The following UBR4 variants were observed in gnomAD, a reference collection of about 807,000 sequenced individuals.
UBR4 encodes the protein ubiquitin protein ligase E3 component n-recognin 4.
UBR4 carries 124 observed loss-of-function variants against 575.6 expected under a neutral mutation model. The ratio of observed to expected loss-of-function variants is 0.22; its 90% CI spans 0.19 to 0.25. The LOEUF (loss-of-function observed/expected upper bound fraction) is 0.25. Among genes scored for constraint, UBR4 ranks in the 10% least tolerant of loss-of-function variants. The pLI is 1.00. For synonymous variants in UBR4, 2,455 were observed against 2,473.7 expected, an observed-to-expected ratio of 0.99 and a Z score of 0.22; for missense variants, 4,818 against 6,478.8, an observed-to-expected ratio of 0.74 and a Z score of 8.80.
Position 19,160,780 on chromosome 1 carries a change from G to T in UBR4, c.5406+137C>A, listed in dbSNP as rs181144817. The stretch of plus-strand genomic sequence containing the variant: ...CCTTCCCTCGTGACGACAATACATA[G>T]TATTTGCATTCACACTATGAAAATG... On this transcript the variant is annotated intron_variant, in intron 38 of 105. Transcript: ENST00000375254. The T allele has an allele frequency of 8.9e-3, 7,237 of 811,700 alleles. 32 individuals carry two copies. The highest frequency in any genetic ancestry group is 0.012 in the Non-Finnish European group (5,834 of 500,712). The allele number at this position is 811,700 out of a possible 1,614,324, so 50.3% of individuals were successfully genotyped here. A position where few individuals can be genotyped will look rare whatever the true frequency, so the allele number is the denominator to read the frequency against.
At chr1:19,156,677 C>T (rs916747936) in intron 41 of UBR4, 90 bp downstream of exon 41, 129 of 1,503,780 alleles carry the variant, frequency 8.6e-5, no homozygotes, top group East Asian at 1.1e-4. Context: ...ATCTCCACAA[C>T]GAATAAGAAA....
rs1292600349 is a variant in UBR4, at chr1:19,106,435, A to G, written c.12393+134T>C. ...AACCAAGAACCTGTACTCACTCCCT[A>G]TTTGAAAGGAAGCAAGAAGAGCAAA... On this transcript the variant is annotated intron_variant, in intron 83 of 105. Transcript: ENST00000375254. 4 of 1,216,958 alleles carry G rather than the reference A, an allele frequency of 3.3e-6. No homozygotes were observed. The East Asian group carries it at 8.0e-5, about 24-fold the overall frequency. The allele number at this position is 1,216,958 out of a possible 1,614,324, so 75.4% of individuals were successfully genotyped here. A position where few individuals can be genotyped will look rare whatever the true frequency, so the allele number is the denominator to read the frequency against.
chr1:19,174,548 A>G (rs1183579131), intron 21 of UBR4, 101 bp from the exon 22 acceptor site: 1 of 1,440,514 alleles, frequency 6.9e-7, no homozygotes, highest in Non-Finnish European at 9.3e-7. Flanking sequence ...AAAATATCCC[A>G]TCAAATCATA....
intron 102 of UBR4, 76 bp from the exon 103 acceptor site, chr1:19,081,649 T>G (rs1557480695): frequency 6.6e-7 from 1 of 1,524,672 alleles, no homozygotes; most frequent in Non-Finnish European, 9.1e-7. Flanking sequence ...AAGAATTTGC[T>G]CAATTTGTCG....
chr1:19,165,136 T>C (rs561902821), intron 31 of UBR4, 113 bp downstream of exon 31: 936 of 1,472,392 alleles, frequency 6.4e-4, no homozygotes, highest in Non-Finnish European at 8.3e-4. Flanking sequence ...TCTGAGGGAT[T>C]CTCTCCACTC....
At position 19,184,638 on chromosome 1, in the gene UBR4, A is replaced by C. The variant is rs140875240; in HGVS notation, c.1938+461T>G. 5.9e-4 allele frequency among the ~76,000 whole-genome samples: 90 copies of C among 152,286 alleles called. No individual in the cohort carries two copies. The East Asian group carries it at 0.014, about 24-fold the overall frequency. ...TCCTTGACTGTAAGCTATATATATG[A>C]AGGCAAGAACTGTATCTGACTCACT... is the stretch of plus-strand genomic sequence containing the variant. On this transcript the variant is annotated intron_variant, in intron 15 of 105. Transcript: ENST00000375254.
chr1:19,106,730 C>G lies in UBR4; in HGVS notation c.12236-4G>C. On this transcript the variant is annotated splice_region_variant and splice_polypyrimidine_tract_variant and intron_variant, in intron 82 of 105. Transcript: ENST00000375254. ...GCTTTCCCATTGCCATCTATCCCTG[C>G]AAGGCCAAGGGTTGCAGGGGTAGTA... 1.3e-6 allele frequency: 2 copies of G among 1,597,580 alleles called. No homozygotes were observed. The highest frequency in any genetic ancestry group is 1.7e-6 in the Non-Finnish European group (2 of 1,170,072).
chr1:19,099,253 G>A (rs1023422597), intron 90 of UBR4, among the ~76,000 whole-genome samples: 3 of 152,192 alleles, frequency 2.0e-5, no homozygotes, highest in African/African-American at 7.2e-5. Flanking sequence ...CAGCTGAGAG[G>A]TGTCCATACT....
chr1:19,169,317 A>C, intron 27 of UBR4, 118 bp downstream of exon 27: 5 of 712,000 alleles, frequency 7.0e-6, no homozygotes, highest in Non-Finnish European at 1.1e-5. Context: ...AGCCAATATT[A>C]CTGCAGTATA....
At position 19,196,054 on chromosome 1, in the gene UBR4, C is replaced by T. The variant is rs538356651; in HGVS notation, c.1018+1087G>A. ...GTATGTTCCCCCAAACTCTTGGATA[C>T]GTTTTGTCTGCTTCTGCCTCTGCCT... On this transcript the variant is annotated intron_variant, in intron 8 of 105. Coordinates refer to ENST00000375254, the MANE Select transcript of UBR4 (RefSeq NM_020765.3). 9.3e-5 allele frequency among the ~76,000 whole-genome samples: 14 copies of T among 150,862 alleles called. 1 individual carries two copies. In the South Asian group the frequency reaches 2.5e-3, roughly 27 times the overall value.
chr1:19,104,557 C>T (rs952725060), intron 86 of UBR4, 28 bp downstream of exon 86: 1 of 1,612,652 alleles, frequency 6.2e-7, no homozygotes, highest in African/African-American at 1.3e-5. Flanking sequence ...TCAGGATGCC[C>T]TAAAGGAAGG....
intron 105 of UBR4, among the ~76,000 whole-genome samples, chr1:19,075,672 A>G (rs748964867): frequency 6.6e-5 from 10 of 152,256 alleles, no homozygotes; most frequent in Non-Finnish European, 1.2e-4. Context: ...TGCAAGGGGC[A>G]GCCAATGCGG....
In UBR4 at chr1:19,153,520, A is replaced by C. The variant is rs1157259713; in HGVS notation, c.6631-18T>G. 6.2e-7 allele frequency: 1 copy of C among 1,613,078 alleles called. No individual in the cohort carries two copies. The highest frequency in any genetic ancestry group is 8.5e-7 in the Non-Finnish European group (1 of 1,179,766). On this transcript the variant is annotated intron_variant, in intron 45 of 105. Transcript: ENST00000375254. The surrounding 1 kb of genome is among the most constrained non-coding windows in gnomAD (Gnocchi z 4.1). ...TCTTGGATCTAGGAGGAGAGGACAA[A>C]GGAGGGTCTTCGTTCCCACACCCAC... is the stretch of plus-strand genomic sequence containing the variant.
At chr1:19,131,957 A>G (rs2149722659) in intron 60 of UBR4, among the ~76,000 whole-genome samples, 1 of 152,332 alleles carries the variant, frequency 6.6e-6, no homozygotes, top group South Asian at 2.1e-4. Context: ...AATAACAAAA[A>G]GATAACTAGA....
intron 49 of UBR4, 129 bp downstream of exon 49, chr1:19,150,448 T>C (rs1030477660): frequency 9.5e-7 from 1 of 1,055,918 alleles, no homozygotes; most frequent in African/African-American, 1.6e-5. Context: ...GCGAGTTGTA[T>C]GAAAACTTAA....
chr1:19,163,428 A>AGG (rs2087735174), intron 34 of UBR4, among the ~76,000 whole-genome samples: 1 of 152,350 alleles, frequency 6.6e-6, no homozygotes. Context: ...GCCTTTTATA[A>AGG]CACTGACTCA....
chr1:19,137,120 C>CA (rs2083286502), intron 60 of UBR4, among the ~76,000 whole-genome samples: 1 of 151,842 alleles, frequency 6.6e-6, no homozygotes. Flanking sequence ...GGCAACAGGG[C>CA]AAAACTCCAT....
rs2080417156 is a variant in UBR4, at chr1:19,115,532, C to T, written c.10929G>A (p.Glu3643=). Residue 3643 remains glutamate (E), a synonymous_variant, in exon 74 of 106, where the codon GAG becomes GAA. Transcript: ENST00000375254. The part of the protein sequence containing the change: ...LPIVASNLMI[E]FADFYENYQA... ...GGTAGTTTTCATAGAAGTCTGCAAA[C>T]TCAATCATCAGATTGGAGGCCACAA... The T allele has an allele frequency of 6.2e-7, 1 of 1,614,200 alleles. No homozygotes were observed. Among genetic ancestry groups the T allele is most frequent in the Non-Finnish European group, 8.5e-7 (1 of 1,180,038 alleles).
At chr1:19,096,448 G>A in intron 92 of UBR4, 75 bp downstream of exon 92, 2 of 1,561,328 alleles carry the variant, frequency 1.3e-6, no homozygotes, top group Non-Finnish European at 1.7e-6. Context: ...TGACACAGTG[G>A]CCATAGCTTC....
Sources: allele counts gnomAD v4.1 joint callset (sites outside exome capture counted in the v4.1 genomes callset), GRCh38; gene constraint gnomAD v4.1.1; non-coding constraint Gnocchi (gnomAD v3.1); transcripts MANE v1.5; gene names NCBI Gene and HGNC (gene_info 2026-07-23, HGNC 2026-07-21).